TTC17: variants seen among roughly 807,000 people sequenced by gnomAD.
TTC17 encodes the protein tetratricopeptide repeat domain 17, also known as tetratricopeptide repeat protein 17.
TTC17 carries 58 observed loss-of-function variants against 143.8 expected under a neutral mutation model. The observed-to-expected ratio is 0.40, with a 90% CI of 0.33 to 0.50. The LOEUF (loss-of-function observed/expected upper bound fraction) is 0.50, where lower values mean the gene tolerates loss of function less well. Ranked by LOEUF, TTC17 falls within the 20% of genes least tolerant of loss-of-function variation. The probability of loss-of-function intolerance (pLI) is 0.49; values close to 1 mark genes in which losing one functional copy is unlikely to be tolerated. For missense variants in TTC17, 1,273 were observed against 1,392.5 expected (o/e 0.91, Z 1.37); for synonymous variants, 501 against 497.8 (o/e 1.01, Z -0.09).
chr11:43,431,716 C>A (rs953257038), intron 16 of TTC17, among the ~76,000 whole-genome samples: 1 of 152,176 alleles, frequency 6.6e-6, no homozygotes, highest in Non-Finnish European at 1.5e-5. Context: ...TTATTAAGCT[C>A]AATTTGCAGC....
In TTC17 at chr11:43,389,735, C is replaced by T; in HGVS notation, c.333C>T (p.Asp111=). The change falls in exon 3 of 24, where the codon GAC becomes GAT. Residue 111 remains aspartate, a synonymous_variant. Coordinates refer to ENST00000039989, the MANE Select transcript of TTC17 (RefSeq NM_018259.6). ...TGLEQRHNKE[D]PDCIKAKVPL... Reference sequence around the variant, plus strand: ...TGGAACAGAGACATAATAAAGAAGACCCAGACTGCATCAAAGCCAAGGTGC... The same window carrying T: ...TGGAACAGAGACATAATAAAGAAGATCCAGACTGCATCAAAGCCAAGGTGC... 3 of 1,613,996 alleles carry T rather than the reference C, an allele frequency of 1.9e-6. No individual in the cohort carries two copies. The highest frequency in any genetic ancestry group is 2.5e-6 in the Non-Finnish European group (3 of 1,179,934).
At chr11:43,436,446 A>C in intron 16 of TTC17, 2 of 1,023,604 alleles carry the variant, frequency 2.0e-6, no homozygotes, top group South Asian at 4.9e-5. Flanking sequence ...CAATCATTAT[A>C]TTGTAGCATC....
At chr11:43,448,432 A>G (rs1028081198) in intron 19 of TTC17, among the ~76,000 whole-genome samples, 1 of 152,170 alleles carries the variant, frequency 6.6e-6, no homozygotes. Flanking sequence ...TTTGTCATGA[A>G]TATCATGCAG....
At chr11:43,482,485 G>GT (rs1948305875) in intron 21 of TTC17, among the ~76,000 whole-genome samples, 1 of 151,918 alleles carries the variant, frequency 6.6e-6, no homozygotes, top group Non-Finnish European at 1.5e-5. Context: ...CTATTTGGGT[G>GT]TTTTCTAGAT....
At chr11:43,449,846 G>T in intron 19 of TTC17, 1 of 479,340 alleles carries the variant, frequency 2.1e-6, no homozygotes, top group South Asian at 2.7e-5. Context: ...ATGTGCTGCT[G>T]TGCATAAAAG....
rs1423106209 is a variant in TTC17, at chr11:43,389,646, C to T, written c.250-6C>T. 2 of 1,601,960 alleles carry T rather than the reference C, an allele frequency of 1.2e-6. No individual in the cohort carries two copies. The highest frequency in any genetic ancestry group is 2.2e-5 in the East Asian group (1 of 44,600). On this transcript the variant is annotated splice_polypyrimidine_tract_variant and splice_region_variant and intron_variant, in intron 2 of 23. Transcript: ENST00000039989. ...ATCCATTCTGTTCTTACTTTCTTCT[C>T]AACAGAAACAATTAGTTGCTCAAAA...
At chr11:43,490,101 CAG>C (rs1948447676) in intron 21 of TTC17, 136 bp from the exon 22 acceptor site, 2 of 1,178,964 alleles carry the variant, frequency 1.7e-6, no homozygotes, top group South Asian at 1.8e-5. Context: ...ACAGGTGGAA[CAG>C]AAAGTGCTGA....
chr11:43,424,132 GC>G (rs1946970292), intron 16 of TTC17, among the ~76,000 whole-genome samples: 1 of 143,324 alleles, frequency 7.0e-6, no homozygotes, highest in Admixed American at 7.3e-5. Flanking sequence ...CGCTCTTGTC[GC>G]CCAGGCTAGA....
intron 18 of TTC17, chr11:43,446,253 C>G: frequency 9.3e-7 from 1 of 1,076,276 alleles, no homozygotes; most frequent in Non-Finnish European, 1.2e-6. Context: ...TAAAATATCA[C>G]TCATCCTTAA....
At chr11:43,398,188 G>A in intron 8 of TTC17, 75 bp downstream of exon 8, 1 of 1,538,004 alleles carries the variant, frequency 6.5e-7, no homozygotes, top group Non-Finnish European at 8.8e-7. Context: ...GGGGATATCA[G>A]TGTTAATTTG....
At chr11:43,454,374 A>G (rs1947722412) in intron 21 of TTC17, among the ~76,000 whole-genome samples, 1 of 152,182 alleles carries the variant, frequency 6.6e-6, no homozygotes, top group Non-Finnish European at 1.5e-5. Context: ...GCCTTCCTAA[A>G]TACCAAAAGA....
At chr11:43,440,148 T>G (rs1947384232) in intron 16 of TTC17, among the ~76,000 whole-genome samples, 1 of 152,210 alleles carries the variant, frequency 6.6e-6, no homozygotes, top group Non-Finnish European at 1.5e-5. Flanking sequence ...AATTCGGTAT[T>G]TTCAGCTGTA....
intron 1 of TTC17, among the ~76,000 whole-genome samples, chr11:43,364,015 G>T (rs951158036): frequency 1.3e-5 from 2 of 150,654 alleles, no homozygotes; most frequent in African/African-American, 4.9e-5. Context: ...TTTGTCCCCC[G>T]GTCAGGCCGG....
At chr11:43,401,915 C>T (rs755776845) in intron 10 of TTC17, among the ~76,000 whole-genome samples, 1 of 151,686 alleles carries the variant, frequency 6.6e-6, no homozygotes, top group Non-Finnish European at 1.5e-5. Context: ...GAGGTCAAAG[C>T]TGTAGTGAAC....
At chr11:43,373,983 T>C (rs1330563087) in intron 1 of TTC17, among the ~76,000 whole-genome samples, 4 of 152,168 alleles carry the variant, frequency 2.6e-5, no homozygotes, top group African/African-American at 9.7e-5. Context: ...CTTCACGTTT[T>C]TTTTCCAAAT....
intron 21 of TTC17, among the ~76,000 whole-genome samples, chr11:43,465,150 C>G (rs1947946100): frequency 6.6e-6 from 1 of 152,178 alleles, no homozygotes; most frequent in South Asian, 2.1e-4. Context: ...AGAAGATCAC[C>G]ATTGCCAACT....
chr11:43,410,388 T>C (rs1053786571), intron 15 of TTC17, among the ~76,000 whole-genome samples: 1 of 152,190 alleles, frequency 6.6e-6, no homozygotes, highest in African/African-American at 2.4e-5. Flanking sequence ...CTCAATAAAC[T>C]GTTTGTTTTT....
rs201064415 is a variant in TTC17, at chr11:43,414,571, G to A, written c.2065-19G>A. On this transcript the variant is annotated intron_variant, in intron 15 of 23. Coordinates refer to ENST00000039989, the MANE Select transcript of TTC17 (RefSeq NM_018259.6). ...AATATTAGTTCATTAACATTTTGCC[G>A]ATTTTTTTTTCTTTTCAGCCTCTGA... 360 of 1,583,890 alleles carry A rather than the reference G, an allele frequency of 2.3e-4. No homozygotes were observed. Among genetic ancestry groups the A allele is most frequent in the Non-Finnish European group, 2.9e-4 (343 of 1,167,010 alleles).
intron 11 of TTC17, among the ~76,000 whole-genome samples, 175 bp downstream of exon 11, chr11:43,404,319 A>G (rs1858012594): frequency 6.6e-6 from 1 of 152,188 alleles, no homozygotes; most frequent in Admixed American, 6.5e-5. Flanking sequence ...AATGAGTAAG[A>G]TGCAATTTCT....
Sources: allele counts gnomAD v4.1 joint callset (sites outside exome capture counted in the v4.1 genomes callset), GRCh38; gene constraint gnomAD v4.1.1; transcripts MANE v1.5; gene names NCBI Gene and HGNC (gene_info 2026-07-23, HGNC 2026-07-21).